The following RAPGEF3 variants were observed in gnomAD, a reference collection of about 807,000 sequenced individuals.
RAPGEF3 encodes 9330170P05Rik.
Under a neutral mutation model 129.8 loss-of-function variants are expected in RAPGEF3, and 103 were observed. That is an observed-to-expected ratio of 0.79 (90% CI 0.68 to 0.93). The LOEUF (loss-of-function observed/expected upper bound fraction) is 0.93. Ranked by LOEUF, RAPGEF3 falls within the 40% of genes least tolerant of loss-of-function variation. RAPGEF3 has a pLI of 0.00. For synonymous variants in RAPGEF3, 436 were observed against 482.6 expected (o/e 0.90, Z 1.26); for missense variants, 1,117 against 1,207.4 (o/e 0.93, Z 1.11).
intron 2 of RAPGEF3, among the ~76,000 whole-genome samples, chr12:47,754,569 A>G (rs1004071549): frequency 6.6e-6 from 1 of 152,196 alleles, no homozygotes; most frequent in African/African-American, 2.4e-5. Flanking sequence ...CTCATCTGTA[A>G]ACTGGGGTTG....
At chr12:47,750,215 A>C in intron 7 of RAPGEF3, 126 bp downstream of exon 7, 2 of 1,171,028 alleles carry the variant, frequency 1.7e-6, no homozygotes, top group Non-Finnish European at 2.5e-6. Flanking sequence ...AAGAAATCAG[A>C]CTGAAAATTT....
Position 47,737,522 on chromosome 12 carries a change from T to C in RAPGEF3, c.*45A>G. On this transcript the variant is annotated 3_prime_UTR_variant, in exon 28 of 28. Transcript: ENST00000449771. The stretch of plus-strand genomic sequence containing the variant: ...TATCTTGGCCCGGCACACCCTGGCT[T>C]TCCCGGCTGCAAGTGCCTGCTCCAG... 1 of 1,570,834 alleles carries C rather than the reference T, an allele frequency of 6.4e-7. No homozygotes were observed. Among genetic ancestry groups the C allele is most frequent in the Non-Finnish European group, 8.7e-7 (1 of 1,148,468 alleles).
intron 4 of RAPGEF3, 47 bp from the exon 5 acceptor site, chr12:47,751,567 G>A: frequency 6.2e-7 from 1 of 1,612,510 alleles, no homozygotes; most frequent in South Asian, 1.1e-5. Context: ...GGGTGGCAGG[G>A]AGAGGGAGGA....
intron 21 of RAPGEF3, 86 bp from the exon 22 acceptor site, chr12:47,740,481 G>A (rs1941080402): frequency 6.6e-7 from 1 of 1,509,214 alleles, no homozygotes; most frequent in East Asian, 2.3e-5. Context: ...GCCAGCCTCT[G>A]CAGAGATCCA....
chr12:47,752,396 G>T (rs1941808683), intron 2 of RAPGEF3, among the ~76,000 whole-genome samples: 1 of 152,214 alleles, frequency 6.6e-6, no homozygotes, highest in Non-Finnish European at 1.5e-5. Context: ...CCGCTCCTGG[G>T]CTGGGGTCAC....
intron 12 of RAPGEF3, 52 bp from the exon 13 acceptor site, chr12:47,748,204 G>T: frequency 2.1e-6 from 3 of 1,399,774 alleles, no homozygotes; most frequent in Non-Finnish European, 3.0e-6. Context: ...CAAGTCTGCT[G>T]AGCACAGGTG....
At chr12:47,757,396 C>T (rs1043237223) in intron 2 of RAPGEF3, among the ~76,000 whole-genome samples, 8 of 152,102 alleles carry the variant, frequency 5.3e-5, no homozygotes, top group Admixed American at 4.6e-4. Flanking sequence ...AAGCAGTGTC[C>T]ACATGATCAC....
intron 16 of RAPGEF3, 74 bp from the exon 17 acceptor site, chr12:47,744,142 T>C (rs1941306805): frequency 8.0e-7 from 1 of 1,252,300 alleles, no homozygotes; most frequent in Non-Finnish European, 1.1e-6. Context: ...GATTGTGAGG[T>C]CCCTGTGTCA....
rs1441386286 is a variant in RAPGEF3 at position 47,758,534 on chromosome 12, G to C, written c.6+17C>G. 1.9e-6 allele frequency: 3 copies of C among 1,613,368 alleles called. No individual in the cohort carries two copies. In the South Asian group the frequency reaches 3.3e-5, roughly 18 times the overall value. ...CCCTCTCCTGCTCCTCCTCAACCCT[G>C]ACCCCACCTTACCCACCTTCATGTT... On this transcript the variant is annotated intron_variant, in intron 1 of 27. Transcript: ENST00000449771.
intron 2 of RAPGEF3, among the ~76,000 whole-genome samples, chr12:47,756,966 TAA>T (rs112318307): frequency 1.7e-4 from 23 of 136,564 alleles, no homozygotes; most frequent in Admixed American, 2.9e-4. Flanking sequence ...AGACTCTGGT[TAA>T]AAAAAAAAAA....
chr12:47,758,546 C>A lies in RAPGEF3; in HGVS notation c.6+5G>T, dbSNP rs761725520. On this transcript the variant is annotated splice_donor_5th_base_variant and intron_variant, in intron 1 of 27. Transcript: ENST00000449771. ...CCTCCTCAACCCTGACCCCACCTTA[C>A]CCACCTTCATGTTTCTTTTCAAGCT... is the stretch of plus-strand genomic sequence containing the variant. 15 of 1,613,918 alleles carry A rather than the reference C, an allele frequency of 9.3e-6. No homozygotes were observed. The highest frequency in any genetic ancestry group is 1.2e-5 in the Non-Finnish European group (14 of 1,179,858).
At chr12:47,746,730 T>C (rs771431078) in intron 16 of RAPGEF3, 130 bp downstream of exon 16, 15 of 1,091,258 alleles carry the variant, frequency 1.4e-5, no homozygotes, top group Middle Eastern at 1.9e-4. Context: ...TGAACACCTA[T>C]CAGAGACCCA....
At chr12:47,742,199 C>T (rs7957537) in intron 18 of RAPGEF3, 39,462 of 152,144 alleles carry the variant, frequency 0.26, 5,081 homozygotes, top group African/African-American at 0.29. Flanking sequence ...TTTTATCTAT[C>T]TTTATTATGA....
At chr12:47,741,910 A>G (rs1184648413) in intron 18 of RAPGEF3, 1 of 397,474 alleles carries the variant, frequency 2.5e-6, no homozygotes, top group Non-Finnish European at 4.7e-6. Context: ...TGCCCCAACT[A>G]TTTCATAAGT....
rs1029917479 is a variant in RAPGEF3, at chr12:47,743,635, G to T, written c.1720C>A (p.Leu574Met). ...ICRPDHSVLTLQLPVTASVRE... is the reference protein window; with the variant it reads ...ICRPDHSVLTMQLPVTASVRE... ...ACGGAGGCTGTCACAGGCAGCTGCA[G>T]GGTCAACACTGAGTGGTCTGGCCGG... Residue 574 changes from leucine (L) to methionine (M), a missense_variant, in exon 18 of 28, where the codon CTG (leucine) becomes ATG (methionine). Leu to Met is a conservative substitution (Grantham distance 15). Transcript: ENST00000449771. The T allele has an allele frequency of 1.9e-6, 3 of 1,613,308 alleles. No individual in the cohort carries two copies. Among genetic ancestry groups the T allele is most frequent in the East Asian group, 4.5e-5 (2 of 44,828 alleles).
intron 18 of RAPGEF3, 96 bp from the exon 19 acceptor site, chr12:47,741,698 G>A (rs1178896744): frequency 6.7e-6 from 7 of 1,045,624 alleles, no homozygotes; most frequent in Non-Finnish European, 1.0e-5. Flanking sequence ...GAGGCTGAGA[G>A]GTTGTTTCTC....
At position 47,751,448 on chromosome 12, in the gene RAPGEF3, T is replaced by G; in HGVS notation, c.453A>C (p.Gln151His). The G allele has an allele frequency of 6.2e-7, 1 of 1,614,120 alleles. No individual in the cohort carries two copies. Among genetic ancestry groups the G allele is most frequent in the Non-Finnish European group, 8.5e-7 (1 of 1,180,014 alleles). ...GCAGCACCTGGCAGATTCCCACAACTTGGCTCCGGGAATGGACCCCAAGTC... is the reference window on the plus strand; with the variant it reads ...GCAGCACCTGGCAGATTCCCACAACGTGGCTCCGGGAATGGACCCCAAGTC... ...ALGLGVHSRS[Q>H]VVGICQVLLD... Residue 151 changes from glutamine to histidine, a missense_variant, in exon 5 of 28, where the codon CAA becomes CAC. Physicochemically the swap from Gln to His is conservative, Grantham distance 24. This residue lies in a region of RAPGEF3 where 367 missense variants were observed against 373.4 expected (regional missense o/e 0.98). Transcript: ENST00000449771.
chr12:47,735,849 T>C lies in RAPGEF3; in HGVS notation c.*1718A>G, dbSNP rs1243894030. ...TTGGATGAAAAGAAAGCCCCCGGAC[T>C]CCTGACTCACCCAGGCTTGAGCCTC... On this transcript the variant is annotated 3_prime_UTR_variant, in exon 28 of 28. Coordinates refer to ENST00000449771, the MANE Select transcript of RAPGEF3 (RefSeq NM_001098531.4). 1 of 152,324 alleles carries C rather than the reference T, an allele frequency of 6.6e-6. No homozygotes were observed. The highest frequency in any genetic ancestry group is 2.4e-5 in the African/African-American group (1 of 41,428). The allele number at this position is 152,324 out of a possible 1,614,324, so 9.4% of individuals were successfully genotyped here.
chr12:47,739,919 G>A (rs7977774), intron 23 of RAPGEF3: 519,657 of 604,134 alleles, frequency 0.86, 224,204 homozygotes, highest in East Asian at 0.94. Flanking sequence ...TGAGGGCCAG[G>A]ATGCACCGTG....
Sources: gnomAD v4.1 joint callset for allele counts (sites outside exome capture counted in the v4.1 genomes callset) on GRCh38, gnomAD v4.1.1 for gene constraint, gnomAD v4.1.1 regional missense constraint, MANE v1.5 for transcripts, NCBI Gene and HGNC (gene_info 2026-07-23, HGNC 2026-07-21) for gene names.